Variants in UBE3C observed in about 807,000 individuals in gnomAD.
The protein encoded by UBE3C is ubiquitin-protein ligase E3C.
UBE3C carries 42 observed loss-of-function variants against 129.4 expected under a neutral mutation model. The observed-to-expected ratio is 0.32, with a 90% CI of 0.25 to 0.42. UBE3C has a LOEUF of 0.42. UBE3C is among the 10% of genes least tolerant of loss of function. UBE3C has a pLI of 1.00. For synonymous variants in UBE3C, 510 were observed against 492.4 expected, an observed-to-expected ratio of 1.04 and a Z score of -0.47; for missense variants, 1,049 against 1,319.1, an observed-to-expected ratio of 0.80 and a Z score of 3.17.
chr7:157,168,792 G>C (rs553601672), intron 2 of UBE3C, among the ~76,000 whole-genome samples: 1 of 152,188 alleles, frequency 6.6e-6, no homozygotes, highest in Non-Finnish European at 1.5e-5. Context: ...GAGAAGGGAC[G>C]GCAGGAAACG....
At chr7:157,148,134 T>C (rs1386473902) in intron 1 of UBE3C, among the ~76,000 whole-genome samples, 1 of 152,188 alleles carries the variant, frequency 6.6e-6, no homozygotes, top group Admixed American at 6.6e-5. Flanking sequence ...TCTCCCTCTG[T>C]CGCCTAGGCT....
At chr7:157,201,124 G>A (rs1809267113) in intron 10 of UBE3C, among the ~76,000 whole-genome samples, 1 of 151,954 alleles carries the variant, frequency 6.6e-6, no homozygotes, top group African/African-American at 2.4e-5. Flanking sequence ...AGGAGTTCAA[G>A]ACCAGCCTGG....
At chr7:157,153,310 G>GAAAC (rs1807810034) in intron 1 of UBE3C, among the ~76,000 whole-genome samples, 1 of 152,084 alleles carries the variant, frequency 6.6e-6, no homozygotes, top group South Asian at 2.1e-4. Flanking sequence ...TTGCCACTGT[G>GAAAC]AAACCCCTTT....
At chr7:157,235,182 TC>T (rs1796123757) in intron 18 of UBE3C, among the ~76,000 whole-genome samples, 1 of 151,944 alleles carries the variant, frequency 6.6e-6, no homozygotes, top group African/African-American at 2.4e-5. Context: ...AGAGCAAAAC[TC>T]TGTCTCAAAT....
At chr7:157,220,877 C>G in intron 15 of UBE3C, 101 bp downstream of exon 15, 1 of 1,305,742 alleles carries the variant, frequency 7.7e-7, no homozygotes, top group South Asian at 1.5e-5. Context: ...ACTTATACAG[C>G]CATGTCACTC....
chr7:157,251,051 A>G (rs1202460672), intron 19 of UBE3C, among the ~76,000 whole-genome samples: 1 of 152,214 alleles, frequency 6.6e-6, no homozygotes, highest in Non-Finnish European at 1.5e-5. Context: ...AAAAAATTAT[A>G]GATAATGTAT....
intron 14 of UBE3C, 51 bp from the exon 15 acceptor site, chr7:157,220,638 A>C (rs937908322): frequency 6.2e-7 from 1 of 1,606,870 alleles, no homozygotes; most frequent in African/African-American, 1.3e-5. Flanking sequence ...GATCAGGTCA[A>C]AGTGTGTGCT....
chr7:157,229,264 C>T (rs925384367), intron 17 of UBE3C, among the ~76,000 whole-genome samples: 1 of 152,176 alleles, frequency 6.6e-6, no homozygotes, highest in African/African-American at 2.4e-5. Context: ...GCCTGTTTAT[C>T]AGAGCACATC....
intron 16 of UBE3C, among the ~76,000 whole-genome samples, chr7:157,223,881 G>A (rs189942648): frequency 6.6e-6 from 1 of 152,120 alleles, no homozygotes; most frequent in Non-Finnish European, 1.5e-5. Flanking sequence ...GATCGTGCCA[G>A]TACACTCCAG....
intron 13 of UBE3C, among the ~76,000 whole-genome samples, chr7:157,211,512 C>T (rs1177034006): frequency 1.3e-5 from 2 of 151,956 alleles, no homozygotes; most frequent in Non-Finnish European, 2.9e-5. Flanking sequence ...GTTTTTAACC[C>T]GTTTGTGCCA....
intron 4 of UBE3C, among the ~76,000 whole-genome samples, chr7:157,172,391 A>T (rs1200942652): frequency 3.3e-5 from 5 of 152,196 alleles, no homozygotes; most frequent in African/African-American, 7.2e-5. Context: ...AAAAATTTCA[A>T]ATTGCATGAA....
In UBE3C at chr7:157,225,506, G is replaced by C; in HGVS notation, c.2200G>C (p.Glu734Gln). 1 of 1,598,816 alleles carries C rather than the reference G, an allele frequency of 6.3e-7. No individual in the cohort carries two copies. Among genetic ancestry groups the C allele is most frequent in the Non-Finnish European group, 8.5e-7 (1 of 1,176,022 alleles). Reference protein sequence around the residue: ...NVTIRRNYIYEDAYDKLSPEN... With the variant: ...NVTIRRNYIYQDAYDKLSPEN... ...CACAATAAGAAGAAATTACATTTAT[G>C]AAGATGCTTATGACAAACTTTCTCC... is the stretch of plus-strand genomic sequence containing the variant. The change falls in exon 17 of 23, where the codon GAA (glutamate) becomes CAA (glutamine). Residue 734 changes from glutamate (E) to glutamine (Q), a missense_variant. Glu to Gln is a conservative substitution (Grantham distance 29). Coordinates refer to ENST00000348165, the MANE Select transcript of UBE3C (RefSeq NM_014671.3).
At chr7:157,170,956 G>A (rs953034904) in intron 4 of UBE3C, among the ~76,000 whole-genome samples, 1 of 152,000 alleles carries the variant, frequency 6.6e-6, no homozygotes, top group African/African-American at 2.4e-5. Context: ...ACAGGTGTGT[G>A]TACACCTTGT....
chr7:157,157,675 A>T (rs1282194254), intron 1 of UBE3C, among the ~76,000 whole-genome samples: 1 of 152,194 alleles, frequency 6.6e-6, no homozygotes, highest in Non-Finnish European at 1.5e-5. Context: ...CTAAATGACC[A>T]TTAAAATATA....
intron 17 of UBE3C, among the ~76,000 whole-genome samples, chr7:157,226,377 T>G (rs1041871878): frequency 1.3e-5 from 2 of 152,252 alleles, no homozygotes; most frequent in African/African-American, 4.8e-5. Context: ...AAAGTTCGTG[T>G]GCTATTAACC....
chr7:157,139,214 C>T lies in UBE3C; in HGVS notation c.-59C>T, dbSNP rs527739091. 2.3e-6 allele frequency: 3 copies of T among 1,324,472 alleles called. No homozygotes were observed. Among genetic ancestry groups the T allele is most frequent in the African/African-American group, 1.5e-5 (1 of 65,344 alleles). The allele number at this position is 1,324,472 out of a possible 1,614,324, so 82.0% of individuals were successfully genotyped here. A position where few individuals can be genotyped will look rare whatever the true frequency, so the allele number is the denominator to read the frequency against. ...CGAGAGCCTCCCAGCCCGCCCCGTG[C>T]CCCGCCCGCCCGGCTGCTTCCGCGG... On this transcript the variant is annotated 5_prime_UTR_variant, in exon 1 of 23. Transcript: ENST00000348165.
At chr7:157,180,892 G>A (rs192235612) in intron 6 of UBE3C, among the ~76,000 whole-genome samples, 4 of 152,246 alleles carry the variant, frequency 2.6e-5, no homozygotes, top group African/African-American at 7.2e-5. Flanking sequence ...AAGGCTGATT[G>A]TAGGGCGGGA....
chr7:157,254,511 C>T (rs1796698389), intron 21 of UBE3C, among the ~76,000 whole-genome samples: 1 of 151,840 alleles, frequency 6.6e-6, no homozygotes, highest in Non-Finnish European at 1.5e-5. Flanking sequence ...AATTCTCCTG[C>T]CTCAGCCTCC....
At chr7:157,157,324 CAT>C (rs1807937520) in intron 1 of UBE3C, among the ~76,000 whole-genome samples, 1 of 152,100 alleles carries the variant, frequency 6.6e-6, no homozygotes, top group Admixed American at 6.6e-5. Flanking sequence ...ATAAAAATAT[CAT>C]AACCAAGGTT....
Sources: gnomAD v4.1 joint callset for allele counts (sites outside exome capture counted in the v4.1 genomes callset) on GRCh38, gnomAD v4.1.1 for gene constraint, MANE v1.5 for transcripts, NCBI Gene and HGNC (gene_info 2026-07-23, HGNC 2026-07-21) for gene names.